Variants in MCF2L observed in about 807,000 individuals in gnomAD.
MCF2L encodes guanine nucleotide exchange factor DBS.
A neutral mutation model predicts 153.4 loss-of-function variants in MCF2L; 97 were observed. The observed-to-expected ratio is 0.63, with a 90% CI of 0.54 to 0.75. The LOEUF (loss-of-function observed/expected upper bound fraction) is 0.75. Among genes scored for constraint, MCF2L ranks in the 30% least tolerant of loss-of-function variants. The pLI is 0.00. For synonymous variants in MCF2L, 659 were observed against 632.2 expected (o/e 1.04, Z -0.64); for missense variants, 1,347 against 1,495.2 (o/e 0.90, Z 1.64).
chr13:113,029,680 G>A (rs963450301), intron 3 of MCF2L, among the ~76,000 whole-genome samples: 3 of 152,226 alleles, frequency 2.0e-5, no homozygotes, highest in South Asian at 2.1e-4. Context: ...TGCTGGAGAC[G>A]CGGAGCATTG....
intron 2 of MCF2L, among the ~76,000 whole-genome samples, chr13:112,928,858 C>A (rs2081434044): frequency 6.6e-6 from 1 of 152,248 alleles, no homozygotes; most frequent in African/African-American, 2.4e-5. Context: ...GGCCGAGGGC[C>A]TTTTCTGGCC....
rs927262331 is a variant in MCF2L at position 112,907,563 on chromosome 13, G to A, written c.169+5192G>A. Among the ~76,000 whole-genome samples the A allele has an allele frequency of 7.9e-5, 12 of 152,134 alleles. No homozygotes were observed. Among genetic ancestry groups the A allele is most frequent in the South Asian group, 2.1e-4 (1 of 4,822 alleles). The stretch of plus-strand genomic sequence containing the variant: ...GTAGTTGTGCATTCGTGAATCTGAC[G>A]GGGGAAGATGTGTTTCTTCACATCT... On this transcript the variant is annotated intron_variant, in intron 2 of 29. Transcript: ENST00000375608. The surrounding 1 kb of genome is among the most constrained non-coding windows in gnomAD (Gnocchi z 5.1).
intron 1 of MCF2L, among the ~76,000 whole-genome samples, chr13:113,012,587 AGTGTGGACTGTGGACACTGT>A (rs2084226396): frequency 1.0e-5 from 1 of 95,534 alleles, no homozygotes; most frequent in African/African-American, 3.7e-5. Flanking sequence ...TGGACACTGC[AGTGTGGACTGTGGACACTGT>A]GATGCGGACG....
chr13:113,074,211 C>T lies in MCF2L; in HGVS notation c.997-233C>T, dbSNP rs1455113125. Reference sequence around the variant, plus strand: ...CACAAGCCACAGAGAAACAATTGTTCTGCCAGTGAGGTCACTGGTGGGTAG... The same window carrying T: ...CACAAGCCACAGAGAAACAATTGTTTTGCCAGTGAGGTCACTGGTGGGTAG... On this transcript the variant is annotated intron_variant, in intron 9 of 29. Transcript: ENST00000535094. The surrounding 1 kb of genome is among the most constrained non-coding windows in gnomAD (Gnocchi z 4.2). 6.6e-6 allele frequency among the ~76,000 whole-genome samples: 1 copy of T among 152,204 alleles called. No individual in the cohort carries two copies. Among genetic ancestry groups the T allele is most frequent in the Non-Finnish European group, 1.5e-5 (1 of 68,044 alleles).
intron 3 of MCF2L, among the ~76,000 whole-genome samples, chr13:113,036,161 G>A (rs990572688): frequency 2.0e-5 from 3 of 152,174 alleles, no homozygotes; most frequent in Non-Finnish European, 4.4e-5. Context: ...CCCACAGACC[G>A]CAGCCTGATT....
intron 3 of MCF2L, among the ~76,000 whole-genome samples, chr13:113,037,240 G>A (rs930033167): frequency 3.3e-5 from 5 of 152,336 alleles, no homozygotes; most frequent in Admixed American, 2.6e-4. Context: ...TAACGACCAC[G>A]ATAGAAAGCA....
intron 16 of MCF2L, among the ~76,000 whole-genome samples, chr13:113,081,871 G>A (rs114592002): frequency 0.02 from 3,076 of 152,126 alleles, 39 homozygotes; most frequent in Middle Eastern, 0.051. Flanking sequence ...CTGATTCACC[G>A]AGTGTGCACA....
chr13:113,094,365 C>T, intron 26 of MCF2L, 149 bp from the exon 27 acceptor site: 7 of 773,764 alleles, frequency 9.0e-6, no homozygotes, highest in Non-Finnish European at 1.4e-5. Context: ...CTGCTCAGCT[C>T]TTTATGAACC....
In MCF2L at chr13:112,969,303, C is replaced by A; in HGVS notation, c.-77C>A. On this transcript the variant is annotated 5_prime_UTR_variant, in exon 1 of 30. Transcript: ENST00000535094. This position sits in a 1 kb window ranked among gnomAD's most constrained non-coding sequence, Gnocchi z 4.8. ...CCGCCTCCGCCGCGCCCCCTCCGCA[C>A]TCGCACGGCCCCACCCGCAGGCGCC... 1 of 1,529,440 alleles carries A rather than the reference C, an allele frequency of 6.5e-7. No individual in the cohort carries two copies. Among genetic ancestry groups the A allele is most frequent in the Non-Finnish European group, 8.8e-7 (1 of 1,133,436 alleles). The allele number at this position is 1,529,440 out of a possible 1,614,324, so 94.7% of individuals were successfully genotyped here. A position where few individuals can be genotyped will look rare whatever the true frequency, so the allele number is the denominator to read the frequency against.
chr13:112,964,750 A>C (rs116717985), upstream of MCF2L: 1 of 152,248 alleles, frequency 6.6e-6, no homozygotes, highest in Non-Finnish European at 1.5e-5. Flanking sequence ...AAAAACGTTT[A>C]AGTGAAAAAT....
At chr13:113,051,864 C>G (rs767204681) in intron 4 of MCF2L, among the ~76,000 whole-genome samples, 28 of 152,032 alleles carry the variant, frequency 1.8e-4, no homozygotes, top group Admixed American at 5.9e-4. Context: ...CAGGCCCCCA[C>G]CCACCCCCAC....
At chr13:113,036,580 G>A (rs1041522264) in intron 3 of MCF2L, among the ~76,000 whole-genome samples, 1 of 152,238 alleles carries the variant, frequency 6.6e-6, no homozygotes, top group African/African-American at 2.4e-5. Flanking sequence ...CAAGTGCGGG[G>A]TGGGTGAGTG....
At chr13:112,944,573 T>G (rs1406338188) in intron 2 of MCF2L, among the ~76,000 whole-genome samples, 5 of 149,626 alleles carry the variant, frequency 3.3e-5, no homozygotes, top group Admixed American at 3.3e-4. Flanking sequence ...CCTGAACTTT[T>G]TTTTTTTTTT....
rs183848433 is a variant in MCF2L at position 112,979,696 on chromosome 13, C to A, written c.79+10238C>A. 1.4e-3 allele frequency: 2,293 copies of A among 1,612,932 alleles called. 5 individuals are homozygous for A. The highest frequency in any genetic ancestry group is 1.7e-3 in the Non-Finnish European group (2,014 of 1,179,852). On this transcript the variant is annotated intron_variant, in intron 1 of 29. Transcript: ENST00000535094. ...GCCGAGAAGGGAGCATCCCGGGGAA[C>A]CCTGCGGCGGCTGTGGTCACTGCCC...
chr13:112,968,704 GGC>G, upstream of MCF2L: 1 of 1,411,984 alleles, frequency 7.1e-7, no homozygotes, highest in Non-Finnish European at 9.2e-7. Context: ...CCTGCCACGG[GGC>G]GGCCGGAGGT....
chr13:113,007,914 T>TCC (rs2083816665), intron 1 of MCF2L, among the ~76,000 whole-genome samples: 1 of 119,242 alleles, frequency 8.4e-6, no homozygotes. Flanking sequence ...TCTTTTCTTT[T>TCC]TCTTTTTTTT....
At chr13:113,026,558 G>A (rs1023011480) in intron 3 of MCF2L, among the ~76,000 whole-genome samples, 3 of 152,198 alleles carry the variant, frequency 2.0e-5, no homozygotes, top group African/African-American at 7.2e-5. Context: ...TACCATCACT[G>A]CGCATGCCTG....
At position 112,961,435 on chromosome 13, in the gene MCF2L, A is replaced by G. The variant is rs529625511; in HGVS notation, c.170-53328A>G. On this transcript the variant is annotated intron_variant, in intron 2 of 29. Transcript: ENST00000375608. ...CCTGGTTCCCCAGGGGTAATCGTGC[A>G]GCAGGGCTGGGGGACAGGGCCTCAA... Among the ~76,000 whole-genome samples, 26 of 152,362 alleles carry G rather than the reference A, an allele frequency of 1.7e-4. No homozygotes were observed. The East Asian group carries it at 5.0e-3, about 29-fold the overall frequency.
At chr13:113,032,880 T>A (rs968574069) in intron 3 of MCF2L, among the ~76,000 whole-genome samples, 7 of 152,246 alleles carry the variant, frequency 4.6e-5, no homozygotes, top group African/African-American at 1.7e-4. Flanking sequence ...TGCCTTCCTT[T>A]TAAAGGCTTC....
Sources: gnomAD v4.1 joint callset for allele counts (sites outside exome capture counted in the v4.1 genomes callset) on GRCh38, gnomAD v4.1.1 for gene constraint, Gnocchi (gnomAD v3.1) non-coding constraint, MANE v1.5 for transcripts, NCBI Gene and HGNC (gene_info 2026-07-23, HGNC 2026-07-21) for gene names.